CPAMD8: variants seen among roughly 807,000 people sequenced by gnomAD.
CPAMD8 encodes the protein C3 and PZP like alpha-2-macroglobulin domain containing 8, also known as C3 and PZP-like alpha-2-macroglobulin domain-containing protein 8.
Under a neutral mutation model 224.7 loss-of-function variants are expected in CPAMD8, and 146 were observed. The ratio of observed to expected loss-of-function variants is 0.65; its 90% CI spans 0.57 to 0.75. The LOEUF is 0.75. Ranked by LOEUF, CPAMD8 falls within the 30% of genes least tolerant of loss-of-function variation. The pLI is 0.00. For synonymous variants in CPAMD8, 966 were observed against 1,044.6 expected, an observed-to-expected ratio of 0.92 and a Z score of 1.45; for missense variants, 2,301 against 2,537.5, an observed-to-expected ratio of 0.91 and a Z score of 2.00.
chr19:16,922,415 A>G (rs1281785978), intron 26 of CPAMD8, among the ~76,000 whole-genome samples: 1 of 136,574 alleles, frequency 7.3e-6, no homozygotes, highest in African/African-American at 2.8e-5. Context: ...CATCACATCT[A>G]GGGTTCTTGA....
At chr19:16,929,358 C>A in intron 23 of CPAMD8, 118 bp from the exon 24 acceptor site, 1 of 758,860 alleles carries the variant, frequency 1.3e-6, no homozygotes, top group East Asian at 2.5e-5. Context: ...TGTGACTCGG[C>A]ACACATGGTG....
intron 23 of CPAMD8, among the ~76,000 whole-genome samples, chr19:16,934,727 G>C (rs2053636657): frequency 6.6e-6 from 1 of 152,124 alleles, no homozygotes; most frequent in South Asian, 2.1e-4. Context: ...CAGAGGAGAT[G>C]CTTTTCCTTC....
At position 16,945,547 on chromosome 19, in the gene CPAMD8, A is replaced by C; in HGVS notation, c.2793+2T>G. On this transcript the variant is annotated splice_donor_variant, in intron 22 of 41. Coordinates refer to ENST00000443236, the MANE Select transcript of CPAMD8 (RefSeq NM_015692.5). LOFTEE classifies it high-confidence loss of function. ...GCACCAGAGATGAGGACACGGCCTT[A>C]CCTCAACCATCACACTGCGCCTGAC... The C allele has an allele frequency of 6.2e-7, 1 of 1,613,882 alleles. No homozygotes were observed.
At chr19:16,944,798 T>TGA in intron 22 of CPAMD8, among the ~76,000 whole-genome samples, 1 of 152,302 alleles carries the variant, frequency 6.6e-6, no homozygotes, top group South Asian at 2.1e-4. Context: ...CCACTTGTGT[T>TGA]CAGGGCCAGC....
chr19:16,918,250 C>T (rs904726732), intron 27 of CPAMD8, among the ~76,000 whole-genome samples: 1 of 152,140 alleles, frequency 6.6e-6, no homozygotes, highest in African/African-American at 2.4e-5. Flanking sequence ...CTACCTTGGC[C>T]TCCCAAAGTG....
At position 16,898,064 on chromosome 19, in the gene CPAMD8, A is replaced by C; in HGVS notation, c.4849-70T>G. ...CCGGGGCGCTGAGCTCAGGCCCAGA[A>C]CTGGCTGATTTCAGGGATACCCAGG... On this transcript the variant is annotated intron_variant, in intron 37 of 41. Coordinates refer to ENST00000443236, the MANE Select transcript of CPAMD8 (RefSeq NM_015692.5). This position sits in a 1 kb window ranked among gnomAD's most constrained non-coding sequence, Gnocchi z 4.2. The C allele has an allele frequency of 9.0e-7, 1 of 1,110,416 alleles. No individual in the cohort carries two copies. The allele number at this position is 1,110,416 out of a possible 1,614,324, so 68.8% of individuals were successfully genotyped here. A position where few individuals can be genotyped will look rare whatever the true frequency, so the allele number is the denominator to read the frequency against.
chr19:16,946,827 G>A (rs372049484), intron 21 of CPAMD8, among the ~76,000 whole-genome samples: 1 of 152,150 alleles, frequency 6.6e-6, no homozygotes, highest in Admixed American at 6.5e-5. Context: ...GCATGTGTGT[G>A]TGCTACACTG....
chr19:16,945,535 G>C lies in CPAMD8; in HGVS notation c.2793+14C>G, dbSNP rs1456669123. Reference sequence around the variant, plus strand: ...GGCCCTGGCTAAGCACCAGAGATGAGGACACGGCCTTACCTCAACCATCAC... The same window carrying C: ...GGCCCTGGCTAAGCACCAGAGATGACGACACGGCCTTACCTCAACCATCAC... On this transcript the variant is annotated intron_variant, in intron 22 of 41. Coordinates refer to ENST00000443236, the MANE Select transcript of CPAMD8 (RefSeq NM_015692.5). 6.2e-7 allele frequency: 1 copy of C among 1,612,968 alleles called. No individual in the cohort carries two copies. The highest frequency in any genetic ancestry group is 1.3e-5 in the African/African-American group (1 of 74,916).
rs576450974 is a variant in CPAMD8, at chr19:16,969,741, A to G, written c.2213+1150T>C. On this transcript the variant is annotated intron_variant, in intron 18 of 41. Coordinates refer to ENST00000443236, the MANE Select transcript of CPAMD8 (RefSeq NM_015692.5). ...CTAAAAATACAAAAATTAGCTGGGC[A>G]TGGTGGCATGTAATCCCAGCTACTC... is the stretch of plus-strand genomic sequence containing the variant. Among the ~76,000 whole-genome samples, 34 of 151,932 alleles carry G rather than the reference A, an allele frequency of 2.2e-4. 1 individual carries two copies. The South Asian group carries it at 6.9e-3, about 31-fold the overall frequency.
chr19:17,018,717 TACACACACACACAC>T lies in CPAMD8; in HGVS notation c.267+1600_267+1613del, dbSNP rs367984655. ...GGTAAAACCCCATCTCTACTAAAAA[TACACACACACACAC>T]ACACACACACACACACACACACACA... On this transcript the variant is annotated intron_variant, in intron 3 of 41. Transcript: ENST00000443236. 6.7e-4 allele frequency among the ~76,000 whole-genome samples: 92 copies of T among 136,828 alleles called. 1 individual carries two copies. The highest frequency in any genetic ancestry group is 1.8e-3 in the Admixed American group (24 of 13,468). The allele number at this position is 136,828 out of a possible 152,430, so 89.8% of individuals were successfully genotyped here.
chr19:17,008,797 A>G, intron 6 of CPAMD8: 1 of 567,166 alleles, frequency 1.8e-6, no homozygotes, highest in Non-Finnish European at 3.2e-6. Flanking sequence ...CAAACCTAGA[A>G]ATGGACGTGG....
At chr19:17,003,255 T>C (rs2056389325) in intron 8 of CPAMD8, among the ~76,000 whole-genome samples, 1 of 151,126 alleles carries the variant, frequency 6.6e-6, no homozygotes, top group Non-Finnish European at 1.5e-5. Context: ...AACTGGAGAA[T>C]AGTGGTGCAA....
chr19:16,948,892 G>A (rs1184661504), intron 20 of CPAMD8, among the ~76,000 whole-genome samples: 2 of 93,758 alleles, frequency 2.1e-5, no homozygotes, highest in African/African-American at 4.2e-5. Flanking sequence ...GGAAGGGAAG[G>A]GAAGGGAAGG....
At chr19:16,912,145 T>C (rs932360294) in intron 29 of CPAMD8, among the ~76,000 whole-genome samples, 1 of 152,152 alleles carries the variant, frequency 6.6e-6, no homozygotes, top group African/African-American at 2.4e-5. Flanking sequence ...GTAATAATAA[T>C]AGAAATAAAG....
intron 27 of CPAMD8, among the ~76,000 whole-genome samples, chr19:16,921,446 C>T (rs550453898): frequency 6.6e-6 from 1 of 152,162 alleles, no homozygotes; most frequent in Admixed American, 6.5e-5. Flanking sequence ...AGGGGCCCTC[C>T]CTGCCCTGGT....
Position 17,023,129 on chromosome 19 carries a change from G to A in CPAMD8, c.93-948C>T, listed in dbSNP as rs1050320677. 2.6e-5 allele frequency among the ~76,000 whole-genome samples: 4 copies of A among 152,128 alleles called. No homozygotes were observed. In the South Asian group the frequency reaches 8.3e-4, roughly 32 times the overall value. On this transcript the variant is annotated intron_variant, in intron 1 of 41. Coordinates refer to ENST00000443236, the MANE Select transcript of CPAMD8 (RefSeq NM_015692.5). ...TAGGGCCTCAAACAAAAAGAGCTCT[G>A]AAAACAATGGAATCAAAGCAGGCCT...
intron 3 of CPAMD8, chr19:17,013,464 T>G (rs2056719822): frequency 6.7e-6 from 1 of 148,772 alleles, no homozygotes; most frequent in Non-Finnish European, 1.5e-5. Context: ...TGAGCTGAGA[T>G]CACACCACTG....
intron 41 of CPAMD8, 30 bp from the exon 42 acceptor site, chr19:16,893,369 C>A: frequency 7.0e-7 from 1 of 1,431,274 alleles, no homozygotes. Flanking sequence ...TTACAACATC[C>A]TCTACAGCAA....
intron 10 of CPAMD8, among the ~76,000 whole-genome samples, chr19:16,999,123 C>T (rs1206641856): frequency 2.6e-5 from 4 of 152,116 alleles, no homozygotes; most frequent in African/African-American, 4.8e-5. Context: ...ATGTCCAGAA[C>T]AGGCAAATCT....
Sources: gnomAD v4.1 joint callset for allele counts (sites outside exome capture counted in the v4.1 genomes callset) on GRCh38, gnomAD v4.1.1 for gene constraint, Gnocchi (gnomAD v3.1) non-coding constraint, MANE v1.5 for transcripts, NCBI Gene and HGNC (gene_info 2026-07-23, HGNC 2026-07-21) for gene names.